The following TSHZ2 variants were observed in gnomAD, a reference collection of about 807,000 sequenced individuals.
The protein encoded by TSHZ2 is teashirt homolog 2.
A neutral mutation model predicts 74.4 loss-of-function variants in TSHZ2; 21 were observed. The ratio of observed to expected loss-of-function variants is 0.28; its 90% CI spans 0.20 to 0.41. TSHZ2 has a LOEUF of 0.41. TSHZ2 is among the 10% of genes least tolerant of loss of function. The probability of loss-of-function intolerance (pLI) is 1.00; values close to 1 mark genes in which losing one functional copy is unlikely to be tolerated. For synonymous variants in TSHZ2, 540 were observed against 515.3 expected (o/e 1.05, Z -0.65); for missense variants, 1,244 against 1,293.5 (o/e 0.96, Z 0.59).
At chr20:53,034,141 C>T (rs1983739679) in intron 1 of TSHZ2, among the ~76,000 whole-genome samples, 2 of 152,108 alleles carry the variant, frequency 1.3e-5, no homozygotes, top group Non-Finnish European at 1.5e-5. Flanking sequence ...AGTAAATCAA[C>T]ACGTGGGAAA....
At chr20:53,266,089 G>C (rs1021626535) in intron 2 of TSHZ2, among the ~76,000 whole-genome samples, 2 of 152,142 alleles carry the variant, frequency 1.3e-5, no homozygotes, top group Non-Finnish European at 2.9e-5. Context: ...AGTGGGATAA[G>C]ATCTAAGCAG....
chr20:53,340,307 G>A (rs576584337), intron 2 of TSHZ2, among the ~76,000 whole-genome samples: 7 of 147,822 alleles, frequency 4.7e-5, no homozygotes, highest in Non-Finnish European at 7.4e-5. Context: ...CTCAGCCTCC[G>A]AGTAGCTGGG....
At chr20:53,013,685 C>T (rs1018749675) in intron 1 of TSHZ2, among the ~76,000 whole-genome samples, 2 of 152,174 alleles carry the variant, frequency 1.3e-5, no homozygotes, top group Non-Finnish European at 1.5e-5. Context: ...TCCCCAGAAA[C>T]CAACACAGTG....
At chr20:53,043,482 G>A (rs1984119491) in intron 1 of TSHZ2, among the ~76,000 whole-genome samples, 1 of 152,028 alleles carries the variant, frequency 6.6e-6, no homozygotes, top group Non-Finnish European at 1.5e-5. Context: ...CCAAGATTGA[G>A]AAACTCTGCT....
intron 2 of TSHZ2, among the ~76,000 whole-genome samples, chr20:53,338,585 G>A (rs1023903337): frequency 6.6e-6 from 1 of 152,202 alleles, no homozygotes; most frequent in Non-Finnish European, 1.5e-5. Context: ...ATCATGACTT[G>A]GAGGGCTGGG....
At chr20:53,327,169 T>C (rs1170727675) in intron 2 of TSHZ2, among the ~76,000 whole-genome samples, 1 of 152,222 alleles carries the variant, frequency 6.6e-6, no homozygotes, top group Non-Finnish European at 1.5e-5. Context: ...TCCACATTTG[T>C]TCATTCTGTT....
intron 1 of TSHZ2, among the ~76,000 whole-genome samples, chr20:52,999,262 G>C (rs1982321705): frequency 6.6e-6 from 1 of 152,206 alleles, no homozygotes; most frequent in Non-Finnish European, 1.5e-5. Flanking sequence ...TGGGTGCCAA[G>C]CACTGTTCTG....
chr20:52,977,149 T>C (rs1981371661), intron 1 of TSHZ2, among the ~76,000 whole-genome samples: 1 of 152,116 alleles, frequency 6.6e-6, no homozygotes, highest in African/African-American at 2.4e-5. Context: ...TTGATAGTGA[T>C]GACTCTGAAT....
chr20:53,361,126 C>G (rs1981034924), intron 2 of TSHZ2, among the ~76,000 whole-genome samples: 1 of 152,230 alleles, frequency 6.6e-6, no homozygotes, highest in Non-Finnish European at 1.5e-5. Context: ...TCTCTGTCAA[C>G]ACTGAGGCAT....
intron 2 of TSHZ2, among the ~76,000 whole-genome samples, chr20:53,405,368 A>G (rs1982812194): frequency 6.6e-6 from 1 of 152,044 alleles, no homozygotes; most frequent in East Asian, 1.9e-4. Context: ...ATCTATTAGG[A>G]TTGTGTGGGC....
Position 53,334,982 on chromosome 20 carries a change from A to C in TSHZ2, c.*8+78411A>C, listed in dbSNP as rs556520297. ...CAGGTGTGAGCCACCACGCCCAGCC[A>C]GATGTACTATTTTTAAAGAATCCTG... is the stretch of plus-strand genomic sequence containing the variant. On this transcript the variant is annotated intron_variant, in intron 2 of 2. Coordinates refer to ENST00000371497, the MANE Select transcript of TSHZ2 (RefSeq NM_173485.6). Among the ~76,000 whole-genome samples the C allele has an allele frequency of 2.0e-5, 3 of 152,304 alleles. No homozygotes were observed. In the East Asian group the frequency reaches 5.8e-4, roughly 29 times the overall value.
At chr20:53,116,005 G>C (rs993994406) in intron 1 of TSHZ2, among the ~76,000 whole-genome samples, 1 of 152,220 alleles carries the variant, frequency 6.6e-6, no homozygotes, top group Non-Finnish European at 1.5e-5. Flanking sequence ...AGGAAACCAA[G>C]CTATCGTGAG....
At chr20:53,012,907 G>A (rs1416955094) in intron 1 of TSHZ2, among the ~76,000 whole-genome samples, 5 of 151,982 alleles carry the variant, frequency 3.3e-5, no homozygotes, top group African/African-American at 1.2e-4. Context: ...CAAATGCTGG[G>A]GAAATTAGCT....
At chr20:53,484,557 T>C (rs2145860577) in intron 2 of TSHZ2, among the ~76,000 whole-genome samples, 1 of 152,192 alleles carries the variant, frequency 6.6e-6, no homozygotes, top group Non-Finnish European at 1.5e-5. Context: ...AGCTAATTTT[T>C]GTGTTTTTAG....
intron 1 of TSHZ2, among the ~76,000 whole-genome samples, chr20:53,116,506 C>T (rs1158234545): frequency 2.6e-5 from 4 of 152,170 alleles, no homozygotes; most frequent in East Asian, 1.9e-4. Context: ...CCCTCCACCC[C>T]ACGGCTGGTA....
At chr20:53,001,222 G>GTGTGTGTGTGTGTGTGTGTA (rs1982414352) in intron 1 of TSHZ2, among the ~76,000 whole-genome samples, 1 of 147,268 alleles carries the variant, frequency 6.8e-6, no homozygotes, top group African/African-American at 2.5e-5. Flanking sequence ...GTGTGTGTGT[G>GTGTGTGTGTGTGTGTGTGTA]TGTGTGTGTG....
intron 1 of TSHZ2, among the ~76,000 whole-genome samples, chr20:53,168,113 G>A (rs1303545510): frequency 6.6e-6 from 1 of 152,190 alleles, no homozygotes; most frequent in South Asian, 2.1e-4. Flanking sequence ...CAGAAGGCAA[G>A]CAAACCTCAG....
intron 1 of TSHZ2, among the ~76,000 whole-genome samples, chr20:53,237,173 A>G (rs1327458558): frequency 6.6e-6 from 1 of 152,238 alleles, no homozygotes; most frequent in African/African-American, 2.4e-5. Context: ...TTGTAGATAT[A>G]GAAGTCATTT....
At chr20:53,028,403 AG>A (rs1237389387) in intron 1 of TSHZ2, among the ~76,000 whole-genome samples, 1 of 152,288 alleles carries the variant, frequency 6.6e-6, no homozygotes, top group Non-Finnish European at 1.5e-5. Flanking sequence ...TGTGGGCCAC[AG>A]AACCCGGTGG....
Sources: gnomAD v4.1 joint callset for allele counts (sites outside exome capture counted in the v4.1 genomes callset) on GRCh38, gnomAD v4.1.1 for gene constraint, MANE v1.5 for transcripts, NCBI Gene and HGNC (gene_info 2026-07-23, HGNC 2026-07-21) for gene names.